Variants in MCM8 observed in about 807,000 individuals in gnomAD.
MCM8 encodes the protein minichromosome maintenance 8 homologous recombination repair factor, also known as DNA helicase MCM8.
Under a neutral mutation model 98.9 loss-of-function variants are expected in MCM8, and 85 were observed. The observed-to-expected ratio is 0.86, with a 90% CI of 0.72 to 1.03. The LOEUF (loss-of-function observed/expected upper bound fraction) is 1.03. Ranked by LOEUF, MCM8 falls within the 50% of genes least tolerant of loss-of-function variation. MCM8 has a pLI of 0.00. For synonymous variants in MCM8, 352 were observed against 338.6 expected (o/e 1.04, Z -0.44); for missense variants, 951 against 997.8 (o/e 0.95, Z 0.63).
At chr20:5,972,667 A>G in intron 11 of MCM8, 1 of 959,640 alleles carries the variant, frequency 1.0e-6, no homozygotes, top group Non-Finnish European at 1.5e-6. Flanking sequence ...CAGTTCTCCC[A>G]CCTCAGCCTG....
intron 12 of MCM8, among the ~76,000 whole-genome samples, chr20:5,973,997 A>C (rs1290628063): frequency 6.6e-6 from 1 of 152,118 alleles, no homozygotes; most frequent in Non-Finnish European, 1.5e-5. Flanking sequence ...GTAGATCCCC[A>C]AGAAAATTCT....
intron 14 of MCM8, 90 bp from the exon 15 acceptor site, chr20:5,984,691 G>T (rs2089694343): frequency 3.7e-6 from 4 of 1,072,042 alleles, no homozygotes; most frequent in Non-Finnish European, 5.4e-6. Flanking sequence ...GTTCTGCGTG[G>T]AACTTGAGTA....
chr20:5,964,807 T>C (rs886214293), intron 8 of MCM8, among the ~76,000 whole-genome samples: 9 of 152,212 alleles, frequency 5.9e-5, no homozygotes, highest in Non-Finnish European at 1.2e-4. Flanking sequence ...TCCAAAGTTA[T>C]TATTTTAATG....
At chr20:5,981,347 G>A (rs2089626322) in intron 13 of MCM8, among the ~76,000 whole-genome samples, 1 of 152,186 alleles carries the variant, frequency 6.6e-6, no homozygotes, top group Non-Finnish European at 1.5e-5. Context: ...AGGCAGGGAA[G>A]GCTCACTATG....
chr20:5,983,429 G>A (rs920506226), intron 14 of MCM8, among the ~76,000 whole-genome samples: 1 of 152,228 alleles, frequency 6.6e-6, no homozygotes, highest in African/African-American at 2.4e-5. Context: ...GGCTGGGCGG[G>A]TGGCTTATGC....
intron 8 of MCM8, 23 bp from the exon 9 acceptor site, chr20:5,967,413 T>G: frequency 6.2e-7 from 1 of 1,605,464 alleles, no homozygotes; most frequent in Non-Finnish European, 8.5e-7. Flanking sequence ...GTATTCTAAC[T>G]GAAAACTATT....
At chr20:5,984,100 C>G (rs1273824158) in intron 14 of MCM8, among the ~76,000 whole-genome samples, 1 of 152,130 alleles carries the variant, frequency 6.6e-6, no homozygotes, top group Non-Finnish European at 1.5e-5. Flanking sequence ...TCTTCTAATT[C>G]ATTCTGTACA....
chr20:5,988,963 A>G (rs1568599511), intron 17 of MCM8, among the ~76,000 whole-genome samples: 1 of 152,132 alleles, frequency 6.6e-6, no homozygotes, highest in African/African-American at 2.4e-5. Flanking sequence ...CTGCCATGGC[A>G]GGTTACACAC....
Position 5,958,531 on chromosome 20 carries a change from G to A in MCM8, c.594G>A (p.Val198=), listed in dbSNP as rs139966104. 5.8e-5 allele frequency: 93 copies of A among 1,613,640 alleles called. 1 individual carries two copies. The highest frequency in any genetic ancestry group is 7.0e-5 in the Non-Finnish European group (82 of 1,179,662). ...TTACTTCCTGTTTTGTCTTTAGGGTGTACAACTATGAGCCTTTGACACAGC... is the reference window on the plus strand; with the variant it reads ...TTACTTCCTGTTTTGTCTTTAGGGTATACAACTATGAGCCTTTGACACAGC... The part of the protein sequence containing the change: ...MVNVPHIHAR[V]YNYEPLTQLK... The change falls in exon 7 of 19, where the codon GTG becomes GTA. Residue 198 remains valine (V), a synonymous_variant. Transcript: ENST00000610722.
In MCM8 at chr20:5,986,060, A is replaced by T. The variant is rs1243371954; in HGVS notation, c.2092A>T (p.Lys698Ter). The T allele has an allele frequency of 6.2e-7, 1 of 1,614,196 alleles. No homozygotes were observed. The highest frequency in any genetic ancestry group is 1.7e-5 in the Admixed American group (1 of 60,020). The change falls in exon 16 of 19, where the codon AAA (lysine) becomes TAA (stop). Residue 698 changes from lysine to a stop codon, truncating the protein, a stop_gained. Transcript: ENST00000610722. LOFTEE classifies it high-confidence loss of function. ...VLQDFYLELR[K>*]QSQRLNSSPI... is the part of the protein sequence containing the mutation. The stretch of plus-strand genomic sequence containing the variant: ...TCAAGATTTTTACCTTGAGCTCCGG[A>T]AACAGAGCCAGAGGTTAAATAGCTC...
chr20:5,956,600 G>T (rs1480529855), intron 5 of MCM8, among the ~76,000 whole-genome samples: 8 of 152,036 alleles, frequency 5.3e-5, no homozygotes, highest in African/African-American at 1.9e-4. Flanking sequence ...CACCATGTTG[G>T]TCGGGCTGGT....
At chr20:5,966,751 G>A (rs1364227824) in intron 8 of MCM8, among the ~76,000 whole-genome samples, 1 of 152,134 alleles carries the variant, frequency 6.6e-6, no homozygotes, top group Non-Finnish European at 1.5e-5. Context: ...ATTGGAATTG[G>A]GTTTCTCAGA....
chr20:5,968,132 T>C, intron 10 of MCM8, 107 bp downstream of exon 10: 2 of 834,872 alleles, frequency 2.4e-6, no homozygotes, highest in South Asian at 1.8e-5. Context: ...CTACAGTCCA[T>C]GTACCAAATA....
chr20:5,963,043 G>A (rs999133251), intron 7 of MCM8, among the ~76,000 whole-genome samples: 6 of 152,152 alleles, frequency 3.9e-5, no homozygotes, highest in Non-Finnish European at 7.3e-5. Flanking sequence ...CCCATAGCAG[G>A]ATACGAACAG....
intron 7 of MCM8, among the ~76,000 whole-genome samples, chr20:5,960,812 G>A (rs1034176548): frequency 1.3e-5 from 2 of 152,182 alleles, no homozygotes; most frequent in Admixed American, 1.3e-4. Flanking sequence ...GCACATGCCT[G>A]TAATCCAAGC....
At chr20:5,978,999 A>G (rs1369478584) in intron 13 of MCM8, among the ~76,000 whole-genome samples, 2 of 152,202 alleles carry the variant, frequency 1.3e-5, no homozygotes, top group Non-Finnish European at 2.9e-5. Flanking sequence ...TTGTCACCTA[A>G]GTTTCTCTTT....
intron 13 of MCM8, among the ~76,000 whole-genome samples, chr20:5,982,552 A>G (rs1037810290): frequency 6.6e-6 from 1 of 152,202 alleles, no homozygotes; most frequent in African/African-American, 2.4e-5. Flanking sequence ...AATACCTGGT[A>G]TAGGTTTTGA....
At chr20:5,993,426 C>A in intron 17 of MCM8, 80 bp from the exon 18 acceptor site, 1 of 1,213,962 alleles carries the variant, frequency 8.2e-7, no homozygotes, top group Non-Finnish European at 1.1e-6. Flanking sequence ...CCAAATTTTT[C>A]TTCTGTAACC....
chr20:5,970,654 A>T (rs1362995595), intron 10 of MCM8, among the ~76,000 whole-genome samples: 1 of 152,226 alleles, frequency 6.6e-6, no homozygotes, highest in African/African-American at 2.4e-5. Context: ...AGTGAGTGCC[A>T]AGGGGATATG....
Sources: gnomAD v4.1 joint callset for allele counts (sites outside exome capture counted in the v4.1 genomes callset) on GRCh38, gnomAD v4.1.1 for gene constraint, MANE v1.5 for transcripts, NCBI Gene and HGNC (gene_info 2026-07-23, HGNC 2026-07-21) for gene names.